The following NIPBL variants were observed in gnomAD, a reference collection of about 807,000 sequenced individuals.
NIPBL encodes nipped-B-like protein.
Under a neutral mutation model 321.8 loss-of-function variants are expected in NIPBL, and 19 were observed. The ratio of observed to expected loss-of-function variants is 0.06; its 90% CI spans 0.04 to 0.09. The LOEUF is 0.09. Ranked by LOEUF, NIPBL falls within the 10% of genes least tolerant of loss-of-function variation. The pLI is 1.00. For synonymous variants in NIPBL, 1,106 were observed against 1,114.1 expected, an observed-to-expected ratio of 0.99 and a Z score of 0.14; for missense variants, 2,210 against 3,327.0, an observed-to-expected ratio of 0.66 and a Z score of 8.26.
At position 37,037,984 on chromosome 5, in the gene NIPBL, C is replaced by CT. The variant is rs34425779; in HGVS notation, c.5972-596dup. On this transcript the variant is annotated intron_variant, in intron 33 of 46. Transcript: ENST00000282516. ...TTGCTTTTTTTCCCATATTCACTTC[C>CT]TTTTTTTTTTTTTTTTTTTTTTAAA... is the stretch of plus-strand genomic sequence containing the variant. Among the ~76,000 whole-genome samples the CT allele has an allele frequency of 2.7e-3, 314 of 116,184 alleles. 1 individual carries two copies. The highest frequency in any genetic ancestry group is 0.01 in the Middle Eastern group (2 of 198). The allele number at this position is 116,184 out of a possible 152,430, so 76.2% of individuals were successfully genotyped here. A position where few individuals can be genotyped will look rare whatever the true frequency, so the allele number is the denominator to read the frequency against.
At chr5:37,045,366 AATTC>A (rs1752866626) in intron 36 of NIPBL, 73 bp from the exon 37 acceptor site, 20 of 1,187,606 alleles carry the variant, frequency 1.7e-5, no homozygotes, top group African/African-American at 9.4e-5. Flanking sequence ...AAAAAATTGT[AATTC>A]ATTAGTAGTA....
At chr5:36,962,977 T>A (rs181000757) in intron 6 of NIPBL, among the ~76,000 whole-genome samples, 1 of 152,070 alleles carries the variant, frequency 6.6e-6, no homozygotes, top group Non-Finnish European at 1.5e-5. Context: ...TATGAAAAAT[T>A]TACTATACTG....
chr5:36,903,902 C>A (rs1348218364), intron 1 of NIPBL, among the ~76,000 whole-genome samples: 2 of 151,922 alleles, frequency 1.3e-5, no homozygotes, highest in Non-Finnish European at 2.9e-5. Flanking sequence ...AAGATGTGAT[C>A]ATAAATAAGC....
chr5:37,013,412 A>T (rs1262231426), intron 21 of NIPBL, among the ~76,000 whole-genome samples: 2 of 136,894 alleles, frequency 1.5e-5, no homozygotes, highest in Non-Finnish European at 3.1e-5. Context: ...CTTCCCAGAC[A>T]GGGTGGCTGC....
chr5:36,906,983 G>A (rs1196843382), intron 1 of NIPBL, among the ~76,000 whole-genome samples: 1 of 152,134 alleles, frequency 6.6e-6, no homozygotes, highest in African/African-American at 2.4e-5. Flanking sequence ...CTTTGCATAG[G>A]TGTATGTCTT....
At chr5:37,007,515 A>C (rs1327987874) in intron 18 of NIPBL, 41 bp downstream of exon 18, 1 of 1,447,482 alleles carries the variant, frequency 6.9e-7, no homozygotes, top group Middle Eastern at 2.1e-4. Context: ...TTCTAAACTA[A>C]ATGATTAAGT....
rs776307994 is a variant in NIPBL at position 36,976,248 on chromosome 5, A to G, written c.1341A>G (p.Gln447=). The G allele has an allele frequency of 6.2e-7, 1 of 1,613,670 alleles. No homozygotes were observed. The part of the protein sequence containing the change: ...LQQNTSVAAK[Q]PQTSVVQNQQ... ...AGAACACTTCAGTTGCTGCAAAACA[A>G]CCCCAGACTTCTGTGGTACAGAATC... The change falls in exon 9 of 47, where the codon CAA becomes CAG. Residue 447 remains glutamine, a synonymous_variant. Coordinates refer to ENST00000282516, the MANE Select transcript of NIPBL (RefSeq NM_133433.4).
intron 1 of NIPBL, among the ~76,000 whole-genome samples, chr5:36,914,930 A>C (rs764381737): frequency 2.0e-5 from 3 of 152,146 alleles, no homozygotes; most frequent in Non-Finnish European, 2.9e-5. Context: ...TTTAAATACT[A>C]TTTTAACCTG....
At chr5:36,930,376 C>G (rs1210195214) in intron 1 of NIPBL, among the ~76,000 whole-genome samples, 2 of 151,900 alleles carry the variant, frequency 1.3e-5, no homozygotes, top group Non-Finnish European at 2.9e-5. Context: ...TATAGAAATA[C>G]AACTGATTTT....
intron 36 of NIPBL, 43 bp downstream of exon 36, chr5:37,044,772 T>C: frequency 7.4e-7 from 1 of 1,357,502 alleles, no homozygotes; most frequent in Non-Finnish European, 1.1e-6. Context: ...TGCTAGGTCC[T>C]GCAGGGGGTC....
intron 14 of NIPBL, 47 bp downstream of exon 14, chr5:37,001,125 C>T: frequency 8.0e-7 from 1 of 1,248,916 alleles, no homozygotes; most frequent in South Asian, 1.2e-5. Context: ...AGTGTCTTAA[C>T]TGTATCCTCT....
chr5:36,987,007 T>C (rs981019647), intron 10 of NIPBL, among the ~76,000 whole-genome samples: 14 of 152,178 alleles, frequency 9.2e-5, no homozygotes, highest in Non-Finnish European at 1.8e-4. Flanking sequence ...GCAGAAGATA[T>C]ACTTCTGTAT....
chr5:36,942,457 A>AG (rs1045622350), intron 1 of NIPBL, among the ~76,000 whole-genome samples: 7 of 139,882 alleles, frequency 5.0e-5, no homozygotes, highest in African/African-American at 1.9e-4. Context: ...AAAAAAAAAA[A>AG]GGCCAGGTGC....
chr5:36,974,116 T>C (rs1173157305), intron 8 of NIPBL, among the ~76,000 whole-genome samples: 1 of 152,196 alleles, frequency 6.6e-6, no homozygotes, highest in African/African-American at 2.4e-5. Flanking sequence ...TGAGAAGTTA[T>C]TTAGATTGCC....
chr5:37,028,135 T>G (rs932644827), intron 32 of NIPBL, among the ~76,000 whole-genome samples: 4 of 151,642 alleles, frequency 2.6e-5, no homozygotes, highest in African/African-American at 9.7e-5. Context: ...AACTAGTGGG[T>G]TTTTTTTAAG....
intron 1 of NIPBL, among the ~76,000 whole-genome samples, chr5:36,945,977 G>A (rs1375194437): frequency 6.6e-6 from 1 of 152,040 alleles, no homozygotes; most frequent in Non-Finnish European, 1.5e-5. Context: ...CTTAACCTGT[G>A]TAGCTATTTA....
intron 5 of NIPBL, among the ~76,000 whole-genome samples, 161 bp downstream of exon 5, chr5:36,961,744 A>G (rs548180926): frequency 6.6e-6 from 1 of 152,332 alleles, no homozygotes; most frequent in African/African-American, 2.4e-5. Flanking sequence ...AATGTTGTAT[A>G]TGGAAATAGT....
intron 9 of NIPBL, chr5:36,982,091 T>G: frequency 4.7e-5 from 15 of 316,430 alleles, no homozygotes; most frequent in Non-Finnish European, 6.0e-5. Context: ...CATCTTATTT[T>G]GAGAATATCA....
intron 10 of NIPBL, among the ~76,000 whole-genome samples, chr5:36,993,386 G>A (rs1463879327): frequency 6.6e-6 from 1 of 152,088 alleles, no homozygotes; most frequent in African/African-American, 2.4e-5. Flanking sequence ...AATAAGAAAG[G>A]GTAAACTACT....
Sources: allele counts gnomAD v4.1 joint callset (sites outside exome capture counted in the v4.1 genomes callset), GRCh38; gene constraint gnomAD v4.1.1; transcripts MANE v1.5; gene names NCBI Gene and HGNC (gene_info 2026-07-23, HGNC 2026-07-21).